The following VAX2 variants were observed in gnomAD, a reference collection of about 807,000 sequenced individuals.
VAX2 encodes ventral anterior homeobox 2.
In VAX2, 8 loss-of-function variants were observed where a neutral mutation model predicts 12.5. That is an observed-to-expected ratio of 0.64 (90% CI 0.37 to 1.15). The LOEUF is 1.15. Ranked by LOEUF, VAX2 falls within the 50% of genes most tolerant of loss-of-function variation. The pLI is 0.01. For missense variants in VAX2, 476 were observed against 412.9 expected, an observed-to-expected ratio of 1.15 and a Z score of -1.32; for synonymous variants, 183 against 187.6, an observed-to-expected ratio of 0.98 and a Z score of 0.20.
chr2:70,911,664 A>T (rs1679190044), intron 1 of VAX2, among the ~76,000 whole-genome samples: 1 of 152,222 alleles, frequency 6.6e-6, no homozygotes, highest in Non-Finnish European at 1.5e-5. Flanking sequence ...CATTGCTGTT[A>T]TAACTTTCAT....
intron 1 of VAX2, among the ~76,000 whole-genome samples, chr2:70,912,806 G>A (rs1679218520): frequency 6.6e-6 from 1 of 152,118 alleles, no homozygotes; most frequent in African/African-American, 2.4e-5. Flanking sequence ...AGAAGCATAA[G>A]CTAACTACTA....
intron 1 of VAX2, 21 bp downstream of exon 1, chr2:70,900,889 C>T (rs1039230923): frequency 7.3e-7 from 1 of 1,363,794 alleles, no homozygotes; most frequent in Non-Finnish European, 9.5e-7. Context: ...AGCCCGCGGC[C>T]CTGCTCCACT....
chr2:70,904,261 G>T lies in VAX2; in HGVS notation c.247+3393G>T, dbSNP rs3771399. On this transcript the variant is annotated intron_variant, in intron 1 of 2. Coordinates refer to ENST00000234392, the MANE Select transcript of VAX2 (RefSeq NM_012476.3). This position sits in a 1 kb window ranked among gnomAD's most constrained non-coding sequence, Gnocchi z 4.2. Reference sequence around the variant, plus strand: ...CAAAGGCAGGCAGGAAGCAACCAAAGGAACAACAGGCCGCCTGAGCCGTGG... The same window carrying T: ...CAAAGGCAGGCAGGAAGCAACCAAATGAACAACAGGCCGCCTGAGCCGTGG... Among the ~76,000 whole-genome samples, 18,680 of 152,178 alleles carry T rather than the reference G, an allele frequency of 0.12. 1,289 individuals are homozygous for T. Among genetic ancestry groups the T allele is most frequent in the Admixed American group, 0.2 (3,016 of 15,286 alleles).
chr2:70,908,485 G>T (rs1350790206), intron 1 of VAX2, among the ~76,000 whole-genome samples: 4 of 151,702 alleles, frequency 2.6e-5, no homozygotes, highest in South Asian at 2.1e-4. Flanking sequence ...CTTTTTGTTT[G>T]TTTTTTTTAT....
chr2:70,918,679 G>A (rs782562351), intron 1 of VAX2, among the ~76,000 whole-genome samples: 1 of 151,926 alleles, frequency 6.6e-6, no homozygotes, highest in Non-Finnish European at 1.5e-5. Flanking sequence ...GGCAGATCAC[G>A]AGGTCAGGAG....
At chr2:70,911,391 C>T (rs1679181182) in intron 1 of VAX2, among the ~76,000 whole-genome samples, 1 of 152,140 alleles carries the variant, frequency 6.6e-6, no homozygotes, top group African/African-American at 2.4e-5. Context: ...CTCCCTCTTG[C>T]AAACTATGCT....
Position 70,900,714 on chromosome 2 carries a change from G to T in VAX2, c.93G>T (p.Ala31=). The part of the protein sequence containing the change: ...GGGRCGDRSG[A]GDLRADGGGH... ...GGCGCTGCGGAGACCGCAGCGGAGC[G>T]GGGGACTTGCGAGCTGATGGCGGTG... is the stretch of plus-strand genomic sequence containing the variant. Residue 31 remains alanine (A), a synonymous_variant, in exon 1 of 3, where the codon GCG becomes GCT. Coordinates refer to ENST00000234392, the MANE Select transcript of VAX2 (RefSeq NM_012476.3). 7.2e-7 allele frequency: 1 copy of T among 1,389,682 alleles called. No individual in the cohort carries two copies. 86.1% of individuals were successfully genotyped at this position (1,389,682 alleles called of 1,614,324 possible).
Position 70,921,281 on chromosome 2 carries a change from C to T in VAX2, c.431C>T (p.Thr144Ile). 1.2e-6 allele frequency: 2 copies of T among 1,607,364 alleles called. No homozygotes were observed. Among genetic ancestry groups the T allele is most frequent in the Non-Finnish European group, 8.5e-7 (1 of 1,177,488 alleles). ...ELARQLNLSE[T>I]QVKVWFQNRR... ...GCCCGCCAGCTGAACCTCTCCGAGA[C>T]CCAGGTAAGAGACCAGGGCCAGGCC... Residue 144 changes from threonine to isoleucine, a missense_variant, in exon 2 of 3, where the codon ACC (threonine) becomes ATC (isoleucine). Physicochemically the swap from Thr to Ile is moderately conservative, Grantham distance 89. Coordinates refer to ENST00000234392, the MANE Select transcript of VAX2 (RefSeq NM_012476.3).
rs1034475656 is a variant in VAX2, at chr2:70,904,501, T to G, written c.247+3633T>G. Reference sequence around the variant, plus strand: ...ATCCGGGAAATTCTGTCCACCAGCGTCACCCAACACAGCAACTTTTACAGA... The same window carrying G: ...ATCCGGGAAATTCTGTCCACCAGCGGCACCCAACACAGCAACTTTTACAGA... On this transcript the variant is annotated intron_variant, in intron 1 of 2. Coordinates refer to ENST00000234392, the MANE Select transcript of VAX2 (RefSeq NM_012476.3). This position sits in a 1 kb window ranked among gnomAD's most constrained non-coding sequence, Gnocchi z 4.2. Among the ~76,000 whole-genome samples, 1 of 152,160 alleles carries G rather than the reference T, an allele frequency of 6.6e-6. No homozygotes were observed.
At chr2:70,925,823 A>G (rs556940089) in intron 2 of VAX2, among the ~76,000 whole-genome samples, 1 of 152,240 alleles carries the variant, frequency 6.6e-6, no homozygotes, top group Admixed American at 6.5e-5. Flanking sequence ...TACTCACAGA[A>G]CTTCCTCCCA....
intron 1 of VAX2, among the ~76,000 whole-genome samples, chr2:70,901,966 G>A (rs1307510444): frequency 6.6e-6 from 1 of 152,188 alleles, no homozygotes; most frequent in Non-Finnish European, 1.5e-5. Context: ...CTCTTCACAC[G>A]CGCCGCTCGG....
chr2:70,911,896 C>T (rs536629714), intron 1 of VAX2, among the ~76,000 whole-genome samples: 1 of 152,160 alleles, frequency 6.6e-6, no homozygotes, highest in Non-Finnish European at 1.5e-5. Flanking sequence ...TTTTTAGGTA[C>T]TCAAATATGT....
At chr2:70,916,739 C>A (rs1409962365) in intron 1 of VAX2, among the ~76,000 whole-genome samples, 3 of 152,146 alleles carry the variant, frequency 2.0e-5, no homozygotes, top group Non-Finnish European at 4.4e-5. Flanking sequence ...TACAGTTACA[C>A]CACAGTTTGT....
intron 1 of VAX2, among the ~76,000 whole-genome samples, chr2:70,916,193 C>T (rs1553411922): frequency 6.6e-6 from 1 of 152,114 alleles, no homozygotes; most frequent in African/African-American, 2.4e-5. Context: ...TTGTTGTCAA[C>T]TTTTTATTTT....
chr2:70,916,736 AC>A (rs1679313752), intron 1 of VAX2, among the ~76,000 whole-genome samples: 1 of 152,182 alleles, frequency 6.6e-6, no homozygotes, highest in South Asian at 2.1e-4. Context: ...GAGTACAGTT[AC>A]ACCACAGTTT....
chr2:70,927,932 G>A (rs1185827685), intron 2 of VAX2, among the ~76,000 whole-genome samples: 1 of 152,202 alleles, frequency 6.6e-6, no homozygotes, highest in Non-Finnish European at 1.5e-5. Flanking sequence ...GGTGCACTGG[G>A]CAGGTGAGGG....
At chr2:70,908,935 T>C (rs1553410896) in intron 1 of VAX2, among the ~76,000 whole-genome samples, 1 of 152,370 alleles carries the variant, frequency 6.6e-6, no homozygotes, top group African/African-American at 2.4e-5. Context: ...TATCATTTCA[T>C]CTTTGTCGAT....
At chr2:70,910,130 T>G (rs1485725469) in intron 1 of VAX2, among the ~76,000 whole-genome samples, 1 of 152,130 alleles carries the variant, frequency 6.6e-6, no homozygotes, top group African/African-American at 2.4e-5. Flanking sequence ...AAGAGATACA[T>G]GTTGAAATAC....
At chr2:70,921,036 C>T in intron 1 of VAX2, 62 bp from the exon 2 acceptor site, 2 of 1,453,036 alleles carry the variant, frequency 1.4e-6, no homozygotes, top group South Asian at 1.5e-5. Flanking sequence ...TATTAAGATG[C>T]TTTCTGGTGA....
Sources: gnomAD v4.1 joint callset for allele counts (sites outside exome capture counted in the v4.1 genomes callset) on GRCh38, gnomAD v4.1.1 for gene constraint, Gnocchi (gnomAD v3.1) non-coding constraint, MANE v1.5 for transcripts, NCBI Gene and HGNC (gene_info 2026-07-23, HGNC 2026-07-21) for gene names.